TPTE: variants seen among roughly 807,000 people sequenced by gnomAD.
The protein encoded by TPTE is putative tyrosine-protein phosphatase TPTE.
A neutral mutation model predicts 84.1 loss-of-function variants in TPTE; 59 were observed. The observed-to-expected ratio is 0.70, with a 90% CI of 0.57 to 0.87. The LOEUF (loss-of-function observed/expected upper bound fraction) is 0.87, where lower values mean the gene tolerates loss of function less well. Ranked by LOEUF, TPTE falls within the 40% of genes least tolerant of loss-of-function variation. The pLI is 0.00. For synonymous variants in TPTE, 130 were observed against 223.5 expected (o/e 0.58, Z 3.73); for missense variants, 382 against 659.6 (o/e 0.58, Z 4.61).
At chr21:10,597,098 TAA>T (rs571148958) in intron 20 of TPTE, among the ~76,000 whole-genome samples, 11 of 152,272 alleles carry the variant, frequency 7.2e-5, no homozygotes, top group Non-Finnish European at 5.9e-5. Flanking sequence ...AGGAAAGCAA[TAA>T]AAAAATTAAT....
intron 14 of TPTE, among the ~76,000 whole-genome samples, chr21:10,571,849 A>T (rs1200743529): frequency 6.6e-6 from 1 of 152,306 alleles, no homozygotes; most frequent in Admixed American, 6.5e-5. Context: ...TCTAAAAAAT[A>T]CAAAAATTAG....
intron 17 of TPTE, among the ~76,000 whole-genome samples, chr21:10,584,646 A>C (rs1200897378): frequency 6.6e-6 from 1 of 152,312 alleles, no homozygotes; most frequent in African/African-American, 2.4e-5. Flanking sequence ...TGCCCAGCCT[A>C]AACTCACTTA....
intron 3 of TPTE, among the ~76,000 whole-genome samples, chr21:10,532,092 TAGTA>T (rs1457652871): frequency 6.6e-6 from 1 of 152,304 alleles, no homozygotes; most frequent in African/African-American, 2.4e-5. Flanking sequence ...ATAGATTTTG[TAGTA>T]AGTATGTCAA....
At chr21:10,536,928 C>A (rs2074276796) in intron 3 of TPTE, among the ~76,000 whole-genome samples, 2 of 152,310 alleles carry the variant, frequency 1.3e-5, no homozygotes. Context: ...CAGCGGGGCC[C>A]TTAGGGAAAA....
chr21:10,597,496 C>T (rs1237707873), intron 20 of TPTE, among the ~76,000 whole-genome samples: 1 of 152,010 alleles, frequency 6.6e-6, no homozygotes, highest in African/African-American at 2.4e-5. Flanking sequence ...CTCACTGCAG[C>T]CTCTGCCTGC....
At chr21:10,565,010 G>A (rs1158739585) in intron 10 of TPTE, among the ~76,000 whole-genome samples, 2 of 152,306 alleles carry the variant, frequency 1.3e-5, no homozygotes, top group Non-Finnish European at 2.9e-5. Context: ...GAGCCATTAT[G>A]GAAGAGAAAG....
At chr21:10,558,523 T>C (rs1410749373) in intron 8 of TPTE, among the ~76,000 whole-genome samples, 2 of 152,308 alleles carry the variant, frequency 1.3e-5, no homozygotes, top group Non-Finnish European at 2.9e-5. Context: ...TTTCTTCATA[T>C]GTTTGTTGGC....
In TPTE at chr21:10,547,927, C is replaced by A. The variant is rs1157107496; in HGVS notation, c.173+4545C>A. On this transcript the variant is annotated intron_variant, in intron 7 of 23. Transcript: ENST00000618007. The stretch of plus-strand genomic sequence containing the variant: ...CATGCCCTCTCCCAAGTGGGAGAGG[C>A]CCCTAAGCCTCTGAGCAGCTGATAC... 9.2e-5 allele frequency among the ~76,000 whole-genome samples: 14 copies of A among 152,414 alleles called. No homozygotes were observed. The East Asian group carries it at 2.7e-3, about 29-fold the overall frequency.
chr21:10,576,826 TATAC>T (rs2075161510), intron 14 of TPTE, among the ~76,000 whole-genome samples: 2 of 144,586 alleles, frequency 1.4e-5, no homozygotes, highest in Admixed American at 7.0e-5. Context: ...TTTTAAAGGT[TATAC>T]ATATATACAT....
At chr21:10,586,609 C>T (rs2075370551) in intron 17 of TPTE, among the ~76,000 whole-genome samples, 1 of 152,306 alleles carries the variant, frequency 6.6e-6, no homozygotes, top group African/African-American at 2.4e-5. Flanking sequence ...ATTCTGTTTT[C>T]ATTTGATTGA....
rs1319960887 is a variant in TPTE, at chr21:10,605,498, G to A, written c.1602G>A (p.Glu534=). ...TTTATCCATCAGATTTTGCCGTGGA[G>A]ATACTTTTTGGCGAGAAAATGACTT... ...RRIYPSDFAV[E]ILFGEKMTSS... The change falls in exon 24 of 24, where the codon GAG becomes GAA. Residue 534 remains glutamate (E), a synonymous_variant. Transcript: ENST00000618007. 6.2e-7 allele frequency: 1 copy of A among 1,614,090 alleles called. No homozygotes were observed. Among genetic ancestry groups the A allele is most frequent in the Non-Finnish European group, 8.5e-7 (1 of 1,180,000 alleles).
chr21:10,567,300 A>G (rs1317584551), intron 10 of TPTE, among the ~76,000 whole-genome samples: 13 of 152,300 alleles, frequency 8.5e-5, no homozygotes, highest in Non-Finnish European at 1.5e-4. Context: ...TTGATTGTAT[A>G]TTTTTAAATG....
intron 3 of TPTE, among the ~76,000 whole-genome samples, chr21:10,536,245 T>G (rs1485578503): frequency 6.6e-6 from 1 of 152,312 alleles, no homozygotes; most frequent in Admixed American, 6.5e-5. Flanking sequence ...TCCACTGCAC[T>G]CCAGCCTCGG....
intron 8 of TPTE, among the ~76,000 whole-genome samples, chr21:10,553,778 TACTC>T (rs2074625922): frequency 6.6e-6 from 1 of 152,308 alleles, no homozygotes; most frequent in African/African-American, 2.4e-5. Context: ...ATTCACCTGA[TACTC>T]AGCAAGTCAC....
In TPTE at chr21:10,524,585, G is replaced by A. The variant is rs2074046178; in HGVS notation, c.-205G>A. On this transcript the variant is annotated 5_prime_UTR_variant, in exon 2 of 24. It removes an upstream start codon present in the reference 5' UTR. Coordinates refer to ENST00000618007, the MANE Select transcript of TPTE (RefSeq NM_199261.4). ...ATTAAATTTCTCCCTCTTAGAGAAT[G>A]TTGGACCGACGACACAAGACCTCAG... The A allele has an allele frequency of 6.6e-6, 1 of 152,476 alleles. No individual in the cohort carries two copies. The allele number at this position is 152,476 out of a possible 1,614,324, so 9.4% of individuals were successfully genotyped here.
intron 23 of TPTE, 126 bp from the exon 24 acceptor site, chr21:10,605,291 A>G (rs1979141243): frequency 7.6e-7 from 1 of 1,317,258 alleles, no homozygotes; most frequent in Non-Finnish European, 1.0e-6. Context: ...GACACAAAAA[A>G]AGGGCTGAGG....
chr21:10,522,105 TCCCGCGCCG>T (rs2073989735), intron 1 of TPTE, among the ~76,000 whole-genome samples: 1 of 151,984 alleles, frequency 6.6e-6, no homozygotes, highest in Admixed American at 6.6e-5. Flanking sequence ...CTGCGGAGGC[TCCCGCGCCG>T]CCCCCGAGGC....
At chr21:10,596,575 C>G (rs2075593390) in intron 20 of TPTE, among the ~76,000 whole-genome samples, 1 of 152,302 alleles carries the variant, frequency 6.6e-6, no homozygotes. Flanking sequence ...TCTCCTCCAT[C>G]TGTAACCCTC....
chr21:10,525,586 A>C (rs1341874953), intron 2 of TPTE, among the ~76,000 whole-genome samples: 1 of 152,310 alleles, frequency 6.6e-6, no homozygotes, highest in East Asian at 1.9e-4. Flanking sequence ...TTTTCATTAT[A>C]ACCTGGTAGC....
Sources: allele counts gnomAD v4.1 joint callset (sites outside exome capture counted in the v4.1 genomes callset), GRCh38; gene constraint gnomAD v4.1.1; transcripts MANE v1.5; gene names NCBI Gene and HGNC (gene_info 2026-07-23, HGNC 2026-07-21).